The following SLC2A12 variants were observed in gnomAD, a reference collection of about 807,000 sequenced individuals.
The protein encoded by SLC2A12 is solute carrier family 2 member 12.
In SLC2A12, 23 loss-of-function variants were observed where a neutral mutation model predicts 41.8. The ratio of observed to expected loss-of-function variants is 0.55; its 90% CI spans 0.40 to 0.78. SLC2A12 has a LOEUF of 0.78. Among genes scored for constraint, SLC2A12 ranks in the 30% least tolerant of loss-of-function variants. The pLI is 0.00. For missense variants in SLC2A12, 654 were observed against 745.6 expected (o/e 0.88, Z 1.43); for synonymous variants, 295 against 285.9 (o/e 1.03, Z -0.32).
At chr6:134,011,540 GC>G (rs2114441361) in intron 2 of SLC2A12, among the ~76,000 whole-genome samples, 1 of 152,158 alleles carries the variant, frequency 6.6e-6, no homozygotes, top group East Asian at 1.9e-4. Context: ...GGAAGATTGA[GC>G]CTGCAGTGAG....
chr6:133,993,734 T>C (rs1776651367), intron 4 of SLC2A12, among the ~76,000 whole-genome samples: 1 of 152,144 alleles, frequency 6.6e-6, no homozygotes, highest in African/African-American at 2.4e-5. Context: ...AAAAGTCTGT[T>C]GGAGGTGAAG....
intron 1 of SLC2A12, among the ~76,000 whole-genome samples, chr6:134,045,186 T>G (rs934656209): frequency 6.6e-6 from 1 of 152,208 alleles, no homozygotes; most frequent in African/African-American, 2.4e-5. Context: ...ACTTATAATC[T>G]TATAGAAAAA....
intron 2 of SLC2A12, 23 bp downstream of exon 2, chr6:134,028,358 A>C (rs752545549): frequency 4.4e-6 from 7 of 1,574,758 alleles, no homozygotes; most frequent in Non-Finnish European, 5.2e-6. Context: ...CAAAAGCAAT[A>C]CATTAAAGAA....
intron 4 of SLC2A12, among the ~76,000 whole-genome samples, chr6:133,993,292 A>G (rs899278038): frequency 5.3e-5 from 8 of 152,148 alleles, no homozygotes; most frequent in African/African-American, 1.9e-4. Context: ...TACGTATCCA[A>G]CTGCCTACTA....
At chr6:134,031,209 T>C (rs1009227768) in intron 1 of SLC2A12, among the ~76,000 whole-genome samples, 2 of 152,078 alleles carry the variant, frequency 1.3e-5, no homozygotes, top group Non-Finnish European at 2.9e-5. Context: ...CTGGCCAACA[T>C]GGCAAAACCC....
intron 4 of SLC2A12, among the ~76,000 whole-genome samples, chr6:134,000,197 A>G (rs567392253): frequency 1.0e-3 from 159 of 152,342 alleles, no homozygotes; most frequent in African/African-American, 3.6e-3. Flanking sequence ...CCTCATCTGT[A>G]TCAAAAAAAA....
intron 2 of SLC2A12, among the ~76,000 whole-genome samples, chr6:134,018,593 A>C (rs1582609053): frequency 6.6e-6 from 1 of 152,176 alleles, no homozygotes; most frequent in African/African-American, 2.4e-5. Flanking sequence ...GTTGGCCCAA[A>C]TGTTACCACC....
chr6:134,052,277 A>ACAC (rs1416753830), intron 1 of SLC2A12, 101 bp downstream of exon 1: 1 of 909,996 alleles, frequency 1.1e-6, no homozygotes, highest in Non-Finnish European at 1.7e-6. Flanking sequence ...ACACACACAC[A>ACAC]CACACACACA....
rs774960150 is a variant in SLC2A12, at chr6:134,052,474, G to C, written c.7C>G (p.Pro3Ala). The change falls in exon 1 of 5, where the codon CCT (proline) becomes GCT (alanine). Residue 3 changes from proline to alanine, a missense_variant. By Grantham distance (27) the Pro-to-Ala change is conservative. Coordinates refer to ENST00000275230, the MANE Select transcript of SLC2A12 (RefSeq NM_145176.3). ...CTGGGGCCCTCGGTGTTTTCAACAG[G>C]TACCATGGTCACGTAGAAGTTACAG... MV[P>A]VENTEGPSLL... The C allele has an allele frequency of 6.2e-7, 1 of 1,612,906 alleles. No individual in the cohort carries two copies. Among genetic ancestry groups the C allele is most frequent in the Admixed American group, 1.7e-5 (1 of 60,006 alleles).
chr6:133,995,615 G>A (rs1042986422), intron 4 of SLC2A12, among the ~76,000 whole-genome samples: 2 of 152,202 alleles, frequency 1.3e-5, no homozygotes, highest in East Asian at 3.8e-4. Flanking sequence ...AAGGTCCGTG[G>A]TCATGATGGA....
At chr6:134,034,596 T>G (rs940739639) in intron 1 of SLC2A12, among the ~76,000 whole-genome samples, 1 of 152,210 alleles carries the variant, frequency 6.6e-6, no homozygotes. Context: ...CAAGATGCTA[T>G]CCTATGGATG....
rs1389674615 is a variant in SLC2A12, at chr6:134,029,525, C to G, written c.300G>C (p.Leu100=). 1 of 1,614,034 alleles carries G rather than the reference C, an allele frequency of 6.2e-7. No homozygotes were observed. Among genetic ancestry groups the G allele is most frequent in the East Asian group, 2.2e-5 (1 of 44,894 alleles). ...ALLASLTGGV[L]IDRYGRRTAI... ...CTGTCCTTCTTCCATATCTGTCTAT[C>G]AGGACCCCTCCGGTGAGTGAGGCAA... The change falls in exon 2 of 5, where the codon CTG becomes CTC. Residue 100 remains leucine (L), a synonymous_variant. Coordinates refer to ENST00000275230, the MANE Select transcript of SLC2A12 (RefSeq NM_145176.3).
At chr6:133,992,770 C>A (rs1776640510) in intron 4 of SLC2A12, among the ~76,000 whole-genome samples, 1 of 152,036 alleles carries the variant, frequency 6.6e-6, no homozygotes, top group Non-Finnish European at 1.5e-5. Context: ...GGGCTGAAGA[C>A]TTGTTGAAGT....
At chr6:133,997,215 T>C (rs1776707637) in intron 4 of SLC2A12, among the ~76,000 whole-genome samples, 1 of 151,476 alleles carries the variant, frequency 6.6e-6, no homozygotes, top group Non-Finnish European at 1.5e-5. Context: ...TGAGCTCATG[T>C]CACTGCACTC....
chr6:134,027,217 G>T (rs1482299547), intron 2 of SLC2A12, among the ~76,000 whole-genome samples: 1 of 152,104 alleles, frequency 6.6e-6, no homozygotes, highest in Non-Finnish European at 1.5e-5. Context: ...AATACATATT[G>T]CTTGAATTAA....
chr6:134,007,733 A>G (rs1330968181), intron 2 of SLC2A12, among the ~76,000 whole-genome samples: 1 of 152,220 alleles, frequency 6.6e-6, no homozygotes, highest in East Asian at 1.9e-4. Flanking sequence ...AACAGCCAGA[A>G]GTTCTTACTG....
At chr6:134,044,710 G>A (rs1293910145) in intron 1 of SLC2A12, among the ~76,000 whole-genome samples, 8 of 85,840 alleles carry the variant, frequency 9.3e-5, no homozygotes, top group East Asian at 5.1e-4. Context: ...GTGAAACTCC[G>A]TCTAAAAAAA....
At chr6:133,995,357 G>A (rs540568135) in intron 4 of SLC2A12, among the ~76,000 whole-genome samples, 4 of 152,026 alleles carry the variant, frequency 2.6e-5, no homozygotes, top group African/African-American at 4.8e-5. Flanking sequence ...GGGGTGAAGG[G>A]GGCTCTCATA....
intron 2 of SLC2A12, among the ~76,000 whole-genome samples, chr6:134,017,561 T>C (rs1776977839): frequency 6.6e-6 from 1 of 151,876 alleles, no homozygotes; most frequent in African/African-American, 2.4e-5. Flanking sequence ...CTTAGAAGAG[T>C]GGACATTTAG....
Sources: gnomAD v4.1 joint callset for allele counts (sites outside exome capture counted in the v4.1 genomes callset) on GRCh38, gnomAD v4.1.1 for gene constraint, MANE v1.5 for transcripts, NCBI Gene and HGNC (gene_info 2026-07-23, HGNC 2026-07-21) for gene names.